Variants in MECOM observed in about 807,000 individuals in gnomAD.
The protein encoded by MECOM is histone-lysine N-methyltransferase MECOM.
A neutral mutation model predicts 116.3 loss-of-function variants in MECOM; 13 were observed. The ratio of observed to expected loss-of-function variants is 0.11; its 90% confidence interval spans 0.07 to 0.18. The LOEUF is 0.18. Ranked by LOEUF, MECOM falls within the 10% of genes least tolerant of loss-of-function variation. The pLI is 1.00. For missense variants in MECOM, 1,299 were observed against 1,509.0 expected (o/e 0.86, Z 2.31); for synonymous variants, 528 against 535.2 (o/e 0.99, Z 0.19).
chr3:169,637,769 C>T (rs1467831194), intron 1 of MECOM, among the ~76,000 whole-genome samples: 1 of 152,162 alleles, frequency 6.6e-6, no homozygotes, highest in Non-Finnish European at 1.5e-5. Context: ...GAAAGAGCTA[C>T]TCTTCAAATT....
At chr3:169,481,743 T>C (rs1048850566) in intron 1 of MECOM, among the ~76,000 whole-genome samples, 2 of 152,146 alleles carry the variant, frequency 1.3e-5, no homozygotes, top group Non-Finnish European at 2.9e-5. Flanking sequence ...CAACCTCTGG[T>C]TTCTGTTAAG....
At chr3:169,373,983 T>C (rs906024287) in intron 2 of MECOM, among the ~76,000 whole-genome samples, 4 of 151,976 alleles carry the variant, frequency 2.6e-5, no homozygotes, top group African/African-American at 9.7e-5. Flanking sequence ...AATCCATATG[T>C]TGAAGCCCTA....
At chr3:169,240,470 A>C (rs1754648687) in intron 2 of MECOM, among the ~76,000 whole-genome samples, 1 of 152,224 alleles carries the variant, frequency 6.6e-6, no homozygotes, top group Non-Finnish European at 1.5e-5. Flanking sequence ...CATCACTAAA[A>C]GGGACTCGTC....
At chr3:169,437,916 T>G (rs184640328) in intron 1 of MECOM, among the ~76,000 whole-genome samples, 2 of 152,278 alleles carry the variant, frequency 1.3e-5, no homozygotes, top group Non-Finnish European at 2.9e-5. Context: ...CCTCCTAAAA[T>G]GTATCAAGGG....
chr3:169,121,579 T>C (rs936353015), intron 6 of MECOM, among the ~76,000 whole-genome samples: 2 of 152,190 alleles, frequency 1.3e-5, no homozygotes, highest in African/African-American at 4.8e-5. Flanking sequence ...TAAAGACACA[T>C]TGTGTACAAA....
chr3:169,417,403 A>G (rs1367990598), intron 1 of MECOM, among the ~76,000 whole-genome samples: 1 of 152,166 alleles, frequency 6.6e-6, no homozygotes, highest in East Asian at 1.9e-4. Flanking sequence ...CAAAACCACA[A>G]TGAGATACCA....
intron 2 of MECOM, among the ~76,000 whole-genome samples, chr3:169,266,341 T>C (rs1758298399): frequency 6.6e-6 from 1 of 152,210 alleles, no homozygotes; most frequent in Non-Finnish European, 1.5e-5. Context: ...GTAATTATGC[T>C]ATTGTTAGTC....
chr3:169,144,740 G>A (rs1403135698), intron 2 of MECOM, among the ~76,000 whole-genome samples: 1 of 152,162 alleles, frequency 6.6e-6, no homozygotes. Context: ...AAGCTGTAGA[G>A]TTGTTGACCT....
intron 2 of MECOM, among the ~76,000 whole-genome samples, chr3:169,369,613 G>A (rs1729762988): frequency 6.6e-6 from 1 of 151,764 alleles, no homozygotes; most frequent in Non-Finnish European, 1.5e-5. Context: ...GCCACCCAAA[G>A]TGCTGGAATT....
intron 2 of MECOM, among the ~76,000 whole-genome samples, chr3:169,149,027 G>A (rs779027181): frequency 6.6e-5 from 10 of 150,586 alleles, no homozygotes; most frequent in Non-Finnish European, 1.5e-4. Context: ...CTCCTGGTTC[G>A]TGGCCATTGA....
At chr3:169,442,534 T>C (rs1276489054) in intron 1 of MECOM, among the ~76,000 whole-genome samples, 1 of 152,220 alleles carries the variant, frequency 6.6e-6, no homozygotes. Context: ...GTGGGTATAC[T>C]AATGTAATCT....
rs146500238 is a variant in MECOM, at chr3:169,089,204, A to G, written c.3402-21T>C. 239 of 1,451,902 alleles carry G rather than the reference A, an allele frequency of 1.6e-4. 1 individual carries two copies. In the African/African-American group the frequency reaches 3.1e-3, roughly 19 times the overall value. 89.9% of individuals were successfully genotyped at this position (1,451,902 alleles called of 1,614,324 possible). A position where few individuals can be genotyped will look rare whatever the true frequency, so the allele number is the denominator to read the frequency against. ...TATACCTAAAATGAACCAACGAAAA[A>G]CACAGAAATTTTCTTTTCATTTGTT... On this transcript the variant is annotated intron_variant, in intron 15 of 16. Coordinates refer to ENST00000651503, the MANE Select transcript of MECOM (RefSeq NM_004991.4).
At chr3:169,438,369 A>G (rs1374210063) in intron 1 of MECOM, among the ~76,000 whole-genome samples, 2 of 152,190 alleles carry the variant, frequency 1.3e-5, no homozygotes, top group African/African-American at 4.8e-5. Context: ...ATGGTTCAAG[A>G]GTCCGTAGTT....
At chr3:169,587,773 C>T (rs1165378304) in intron 1 of MECOM, among the ~76,000 whole-genome samples, 1 of 152,108 alleles carries the variant, frequency 6.6e-6, no homozygotes. Context: ...CCTAATGCTT[C>T]ATGGAACAAA....
At chr3:169,603,409 G>A (rs35829594) in intron 1 of MECOM, among the ~76,000 whole-genome samples, 45,062 of 151,986 alleles carry the variant, frequency 0.3, 7,006 homozygotes, top group Non-Finnish European at 0.35. Context: ...ATTACCATAC[G>A]CTAAGATTAA....
At chr3:169,645,915 G>T (rs1260338135) in intron 1 of MECOM, among the ~76,000 whole-genome samples, 2 of 152,106 alleles carry the variant, frequency 1.3e-5, no homozygotes, top group African/African-American at 4.8e-5. Flanking sequence ...GATTTAATTG[G>T]ATTGGGGTTA....
In MECOM at chr3:169,155,096, C is replaced by G. The variant is rs191630229; in HGVS notation, c.376-11264G>C. On this transcript the variant is annotated intron_variant, in intron 2 of 16. Transcript: ENST00000651503. ...TAACAGCTTTCCATCATAAACTAAA[C>G]TGTCTTTGAGACTTTTTGTAAGAAT... Among the ~76,000 whole-genome samples, 300 of 152,294 alleles carry G rather than the reference C, an allele frequency of 2.0e-3. 1 individual carries two copies. Among genetic ancestry groups the G allele is most frequent in the African/African-American group, 6.9e-3 (288 of 41,592 alleles).
intron 2 of MECOM, among the ~76,000 whole-genome samples, chr3:169,272,025 C>T (rs1301312860): frequency 6.6e-6 from 1 of 152,206 alleles, no homozygotes; most frequent in African/African-American, 2.4e-5. Flanking sequence ...CAGAGTGTGA[C>T]ACCCAGGTGA....
intron 2 of MECOM, among the ~76,000 whole-genome samples, chr3:169,336,209 C>T (rs1723566294): frequency 6.6e-6 from 1 of 151,934 alleles, no homozygotes; most frequent in Non-Finnish European, 1.5e-5. Flanking sequence ...ACCATCTTTT[C>T]AAAAAATATG....
Sources: gnomAD v4.1 joint callset for allele counts (sites outside exome capture counted in the v4.1 genomes callset) on GRCh38, gnomAD v4.1.1 for gene constraint, MANE v1.5 for transcripts, NCBI Gene and HGNC (gene_info 2026-07-23, HGNC 2026-07-21) for gene names.